The following PPP3R1 variants were observed in gnomAD, a reference collection of about 807,000 sequenced individuals.
PPP3R1 encodes the protein calcineurin subunit B type 1.
A neutral mutation model predicts 22.6 loss-of-function variants in PPP3R1; 5 were observed. The ratio of observed to expected loss-of-function variants is 0.22; its 90% confidence interval spans 0.12 to 0.46. The LOEUF (loss-of-function observed/expected upper bound fraction) is 0.46, where lower values mean the gene tolerates loss of function less well. PPP3R1 is among the 20% of genes least tolerant of loss of function. PPP3R1 has a pLI of 0.99. For missense variants in PPP3R1, 61 were observed against 203.2 expected, an observed-to-expected ratio of 0.30 and a Z score of 4.25; for synonymous variants, 56 against 65.2, an observed-to-expected ratio of 0.86 and a Z score of 0.68.
At chr2:68,232,261 GTGTGTA>G (rs745898781) in intron 1 of PPP3R1, among the ~76,000 whole-genome samples, 2,124 of 44,324 alleles carry the variant, frequency 0.048, 30 homozygotes, top group African/African-American at 0.16. Context: ...GTGTGTGTGT[GTGTGTA>G]TATATATATA....
intron 2 of PPP3R1, among the ~76,000 whole-genome samples, chr2:68,211,406 C>CCAAAGAA (rs565919578): frequency 1.3e-5 from 1 of 77,412 alleles, no homozygotes; most frequent in African/African-American, 5.6e-5. Context: ...GACTCTGTCT[C>CCAAAGAA]AAAAAAAAAA....
At chr2:68,185,511 A>T (rs1031421229) in intron 5 of PPP3R1, among the ~76,000 whole-genome samples, 7 of 146,902 alleles carry the variant, frequency 4.8e-5, no homozygotes, top group South Asian at 2.1e-4. Flanking sequence ...CATTTTATTT[A>T]TATATATATA....
chr2:68,185,755 G>A (rs1674532648), intron 5 of PPP3R1, among the ~76,000 whole-genome samples: 2 of 151,944 alleles, frequency 1.3e-5, no homozygotes, highest in South Asian at 4.1e-4. Context: ...GCCCCCTGGG[G>A]GTAGTTCAGT....
intron 2 of PPP3R1, among the ~76,000 whole-genome samples, chr2:68,201,344 C>T (rs1435495226): frequency 6.6e-6 from 1 of 152,198 alleles, no homozygotes; most frequent in Non-Finnish European, 1.5e-5. Flanking sequence ...CTTACTTACA[C>T]GTATGGCTCC....
chr2:68,241,393 T>G (rs1267097281), intron 1 of PPP3R1, among the ~76,000 whole-genome samples: 1 of 152,212 alleles, frequency 6.6e-6, no homozygotes, highest in Non-Finnish European at 1.5e-5. Flanking sequence ...ATGTCACAAT[T>G]TAAGGTGTTG....
chr2:68,231,106 C>T (rs1367388421), intron 1 of PPP3R1, among the ~76,000 whole-genome samples: 1 of 152,174 alleles, frequency 6.6e-6, no homozygotes, highest in Non-Finnish European at 1.5e-5. Flanking sequence ...CCTTCTGTGA[C>T]TCTAACGACA....
chr2:68,183,297 G>A (rs138177500), intron 5 of PPP3R1, among the ~76,000 whole-genome samples: 2 of 152,326 alleles, frequency 1.3e-5, no homozygotes, highest in East Asian at 3.9e-4. Flanking sequence ...GAAATCTGGT[G>A]CCATTATGAC....
At chr2:68,222,222 C>A (rs1159501612) in intron 1 of PPP3R1, among the ~76,000 whole-genome samples, 1 of 152,104 alleles carries the variant, frequency 6.6e-6, no homozygotes, top group Admixed American at 6.5e-5. Flanking sequence ...CAGGATCTTA[C>A]ACTGTAAGAG....
At chr2:68,194,288 G>C (rs961795280) in intron 2 of PPP3R1, among the ~76,000 whole-genome samples, 2 of 152,028 alleles carry the variant, frequency 1.3e-5, no homozygotes, top group Admixed American at 6.5e-5. Context: ...ACTTAACCTC[G>C]ATCAATTGCA....
In PPP3R1 at chr2:68,180,095, C is replaced by G. The variant is rs1247133454; in HGVS notation, c.*868G>C. The G allele has an allele frequency of 6.6e-6, 1 of 152,196 alleles. No individual in the cohort carries two copies. The highest frequency in any genetic ancestry group is 1.5e-5 in the Non-Finnish European group (1 of 68,036). 9.4% of individuals were successfully genotyped at this position (152,196 alleles called of 1,614,324 possible). On this transcript the variant is annotated 3_prime_UTR_variant, in exon 6 of 6. Coordinates refer to ENST00000234310, the MANE Select transcript of PPP3R1 (RefSeq NM_000945.4). ...AATCAATCATGATTGCCTCAGACAG[C>G]TTCTGGCCTTTATGTATAAAATCAC...
chr2:68,200,938 T>A (rs1013242361), intron 2 of PPP3R1, among the ~76,000 whole-genome samples: 1 of 152,216 alleles, frequency 6.6e-6, no homozygotes, highest in Non-Finnish European at 1.5e-5. Flanking sequence ...GGCAGTAAGT[T>A]AATGAAAAGC....
At chr2:68,235,580 T>C (rs1486555447) in intron 1 of PPP3R1, among the ~76,000 whole-genome samples, 2 of 152,248 alleles carry the variant, frequency 1.3e-5, no homozygotes, top group South Asian at 2.1e-4. Flanking sequence ...CGTATGAACA[T>C]ACCATATTTA....
intron 1 of PPP3R1, among the ~76,000 whole-genome samples, chr2:68,220,706 G>A (rs762659805): frequency 1.4e-4 from 22 of 152,100 alleles, no homozygotes; most frequent in Non-Finnish European, 8.8e-5. Flanking sequence ...ATAATAGGAC[G>A]CTATAAAATG....
intron 1 of PPP3R1, among the ~76,000 whole-genome samples, chr2:68,236,706 G>A (rs1301365472): frequency 6.6e-6 from 1 of 152,112 alleles, no homozygotes; most frequent in African/African-American, 2.4e-5. Context: ...AAATACTGAT[G>A]AGGTTGTTTT....
intron 1 of PPP3R1, among the ~76,000 whole-genome samples, chr2:68,232,435 T>C (rs983309815): frequency 3.4e-5 from 5 of 149,248 alleles, no homozygotes; most frequent in African/African-American, 9.9e-5. Context: ...AGTGAGACTC[T>C]TGTCTCAAAA....
chr2:68,184,117 T>C (rs1240514362), intron 5 of PPP3R1, among the ~76,000 whole-genome samples: 1 of 152,186 alleles, frequency 6.6e-6, no homozygotes, highest in Non-Finnish European at 1.5e-5. Flanking sequence ...CCCAATCTCT[T>C]GATAGGGTGC....
At chr2:68,209,205 A>C (rs1401708633) in intron 2 of PPP3R1, among the ~76,000 whole-genome samples, 3 of 149,070 alleles carry the variant, frequency 2.0e-5, no homozygotes, top group Non-Finnish European at 4.5e-5. Context: ...AAAAATACAA[A>C]AAAATTAGCC....
At chr2:68,222,519 A>G (rs1374762505) in intron 1 of PPP3R1, among the ~76,000 whole-genome samples, 2 of 152,250 alleles carry the variant, frequency 1.3e-5, no homozygotes, top group Non-Finnish European at 2.9e-5. Context: ...ACAAAAAGGC[A>G]GAAGATTGAA....
chr2:68,199,387 T>C (rs910625983), intron 2 of PPP3R1, among the ~76,000 whole-genome samples: 8 of 152,216 alleles, frequency 5.3e-5, no homozygotes, highest in Admixed American at 4.6e-4. Flanking sequence ...GCTATATATA[T>C]AAAACCATGT....
Sources: gnomAD v4.1 joint callset for allele counts (sites outside exome capture counted in the v4.1 genomes callset) on GRCh38, gnomAD v4.1.1 for gene constraint, MANE v1.5 for transcripts, NCBI Gene and HGNC (gene_info 2026-07-23, HGNC 2026-07-21) for gene names.